The following LDLRAD3 variants were observed in gnomAD, a reference collection of about 807,000 sequenced individuals.
The protein encoded by LDLRAD3 is low density lipoprotein receptor class A domain containing 3.
A neutral mutation model predicts 29.4 loss-of-function variants in LDLRAD3; 20 were observed. The ratio of observed to expected loss-of-function variants is 0.68; its 90% CI spans 0.48 to 0.99. The LOEUF (loss-of-function observed/expected upper bound fraction) is 0.99, where lower values mean the gene tolerates loss of function less well. LDLRAD3 is among the 50% of genes least tolerant of loss of function. The pLI, the probability that LDLRAD3 is intolerant of heterozygous loss-of-function variation, is 0.00. For synonymous variants in LDLRAD3, 157 were observed against 192.7 expected (o/e 0.81, Z 1.53); for missense variants, 420 against 454.3 (o/e 0.92, Z 0.69).
intron 4 of LDLRAD3, among the ~76,000 whole-genome samples, chr11:36,195,894 G>A (rs1855025214): frequency 6.6e-6 from 1 of 151,976 alleles, no homozygotes; most frequent in South Asian, 2.1e-4. Context: ...ATTTACTTGT[G>A]TTTAGCATCT....
At chr11:36,133,322 C>G (rs771338561) in intron 4 of LDLRAD3, among the ~76,000 whole-genome samples, 1 of 151,100 alleles carries the variant, frequency 6.6e-6, no homozygotes, top group Non-Finnish European at 1.5e-5. Flanking sequence ...AGGTGTCAGC[C>G]ATCATGCCCA....
At chr11:36,183,623 T>C (rs971863377) in intron 4 of LDLRAD3, among the ~76,000 whole-genome samples, 3 of 152,174 alleles carry the variant, frequency 2.0e-5, no homozygotes, top group African/African-American at 4.8e-5. Context: ...TAATATTGCA[T>C]GTTCCTGGGA....
chr11:36,214,460 T>C (rs1358883537), intron 4 of LDLRAD3, among the ~76,000 whole-genome samples: 1 of 152,230 alleles, frequency 6.6e-6, no homozygotes, highest in African/African-American at 2.4e-5. Flanking sequence ...CCACCTCATT[T>C]GTGAGAAGGA....
At chr11:35,974,921 A>G (rs1851457606) in intron 1 of LDLRAD3, among the ~76,000 whole-genome samples, 1 of 152,204 alleles carries the variant, frequency 6.6e-6, no homozygotes, top group Non-Finnish European at 1.5e-5. Context: ...TTAAATTTCT[A>G]TGGGTATATA....
rs1331732626 is a variant in LDLRAD3, at chr11:36,098,434, G to A, written c.427G>A (p.Asp143Asn). 1.2e-6 allele frequency: 2 copies of A among 1,614,238 alleles called. No individual in the cohort carries two copies. The highest frequency in any genetic ancestry group is 1.7e-6 in the Non-Finnish European group (2 of 1,180,036). The change falls in exon 4 of 6, where the codon GAT (aspartate) becomes AAT (asparagine). Residue 143 changes from aspartate (D) to asparagine (N), a missense_variant. By Grantham distance (23) the Asp-to-Asn change is conservative. This residue lies in a region of LDLRAD3 where 224 missense variants were observed against 222.2 expected (regional missense o/e 1.01). Transcript: ENST00000315571. Reference sequence around the variant, plus strand: ...ACAGAATAACTGTCAAGACAACAGTGATGAGGAAAGCTGTGAAAGTTCTCA... The same window carrying A: ...ACAGAATAACTGTCAAGACAACAGTAATGAGGAAAGCTGTGAAAGTTCTCA... The part of the protein sequence containing the change: ...DGQNNCQDNS[D>N]EESCESSQEP...
chr11:36,226,313 C>T (rs1049406626), intron 4 of LDLRAD3, among the ~76,000 whole-genome samples: 5 of 152,126 alleles, frequency 3.3e-5, no homozygotes, highest in African/African-American at 1.2e-4. Flanking sequence ...CCCAGGAGTT[C>T]CTGCTGTTAG....
intron 4 of LDLRAD3, among the ~76,000 whole-genome samples, chr11:36,209,190 AGAG>A (rs1855250017): frequency 6.6e-6 from 1 of 152,200 alleles, no homozygotes; most frequent in African/African-American, 2.4e-5. Flanking sequence ...GTCACCGATT[AGAG>A]GAGATCAATG....
chr11:36,222,590 G>C (rs1855444906), intron 4 of LDLRAD3, among the ~76,000 whole-genome samples: 1 of 152,042 alleles, frequency 6.6e-6, no homozygotes, highest in Non-Finnish European at 1.5e-5. Context: ...GTATCCGGTA[G>C]GAAATTTAAT....
intron 1 of LDLRAD3, among the ~76,000 whole-genome samples, chr11:35,963,445 T>C (rs929490730): frequency 6.6e-6 from 1 of 151,718 alleles, no homozygotes; most frequent in South Asian, 2.1e-4. Flanking sequence ...TTTTTTTTTT[T>C]TAACACGTTG....
At chr11:36,209,353 CTTT>C (rs71044560) in intron 4 of LDLRAD3, among the ~76,000 whole-genome samples, 2,161 of 68,662 alleles carry the variant, frequency 0.031, 11 homozygotes, top group Middle Eastern at 0.042. Flanking sequence ...AGAAACTGTA[CTTT>C]TTTTTTTTTT....
intron 4 of LDLRAD3, among the ~76,000 whole-genome samples, chr11:36,185,952 T>G (rs1276992975): frequency 6.6e-6 from 1 of 152,194 alleles, no homozygotes; most frequent in Non-Finnish European, 1.5e-5. Context: ...AGAAGAAAGA[T>G]GGACTTGACA....
At chr11:36,149,380 G>A (rs1814766032) in intron 4 of LDLRAD3, among the ~76,000 whole-genome samples, 1 of 152,230 alleles carries the variant, frequency 6.6e-6, no homozygotes, top group African/African-American at 2.4e-5. Context: ...ATAAAGTTAA[G>A]TTGGCAGGAA....
At chr11:36,002,575 A>T (rs944704660) in intron 1 of LDLRAD3, among the ~76,000 whole-genome samples, 4 of 152,146 alleles carry the variant, frequency 2.6e-5, no homozygotes, top group African/African-American at 9.7e-5. Flanking sequence ...GGCTTATCTT[A>T]CCAGCCACCC....
rs141848702 is a variant in LDLRAD3 at position 36,160,175 on chromosome 11, C to T, written c.454+61714C>T. Among the ~76,000 whole-genome samples, 7 of 152,302 alleles carry T rather than the reference C, an allele frequency of 4.6e-5. No homozygotes were observed. In the East Asian group the frequency reaches 1.4e-3, roughly 29 times the overall value. ...CTGAATCTGTGTGGTGAATGAACGT[C>T]CTGGTGAAGTGAACGTGATAAAATT... On this transcript the variant is annotated intron_variant, in intron 4 of 5. Coordinates refer to ENST00000315571, the MANE Select transcript of LDLRAD3 (RefSeq NM_174902.4).
intron 4 of LDLRAD3, among the ~76,000 whole-genome samples, chr11:36,115,805 G>A (rs910339416): frequency 2.0e-5 from 3 of 152,218 alleles, no homozygotes; most frequent in Non-Finnish European, 4.4e-5. Flanking sequence ...TGCCAGGCCT[G>A]TGCTAGGCAT....
chr11:36,172,912 T>C (rs1854617646), intron 4 of LDLRAD3, among the ~76,000 whole-genome samples: 1 of 152,218 alleles, frequency 6.6e-6, no homozygotes, highest in Admixed American at 6.5e-5. Context: ...GTACTAATTC[T>C]TCCTTGAATG....
chr11:36,073,641 G>A (rs1020115262), intron 2 of LDLRAD3, among the ~76,000 whole-genome samples: 1 of 152,258 alleles, frequency 6.6e-6, no homozygotes, highest in African/African-American at 2.4e-5. Context: ...TGCTTTGCAG[G>A]CATGTGATGA....
At chr11:35,981,010 C>A (rs975681442) in intron 1 of LDLRAD3, among the ~76,000 whole-genome samples, 17 of 152,134 alleles carry the variant, frequency 1.1e-4, no homozygotes, top group African/African-American at 4.1e-4. Context: ...GCAAGACTTC[C>A]TCGTTTGGAT....
At chr11:35,976,351 C>CA (rs1851475595) in intron 1 of LDLRAD3, among the ~76,000 whole-genome samples, 1 of 151,920 alleles carries the variant, frequency 6.6e-6, no homozygotes, top group African/African-American at 2.4e-5. Context: ...GCAGAGGGGT[C>CA]ATATCTTGGT....
Sources: allele counts gnomAD v4.1 joint callset (sites outside exome capture counted in the v4.1 genomes callset), GRCh38; gene constraint gnomAD v4.1.1; regional missense constraint gnomAD v4.1.1; transcripts MANE v1.5; gene names NCBI Gene and HGNC (gene_info 2026-07-23, HGNC 2026-07-21).